The following SOX5 variants were observed in gnomAD, a reference collection of about 807,000 sequenced individuals.
SOX5 encodes the protein transcription factor SOX-5.
Under a neutral mutation model 92.0 loss-of-function variants are expected in SOX5, and 9 were observed. The ratio of observed to expected loss-of-function variants is 0.10; its 90% CI spans 0.06 to 0.17. SOX5 has a LOEUF of 0.17. SOX5 is among the 10% of genes least tolerant of loss of function. The pLI is 1.00. For missense variants in SOX5, 642 were observed against 944.5 expected, an observed-to-expected ratio of 0.68 and a Z score of 4.20; for synonymous variants, 344 against 336.3, an observed-to-expected ratio of 1.02 and a Z score of -0.25.
At chr12:24,229,756 G>T (rs1441590160) in intron 3 of SOX5, among the ~76,000 whole-genome samples, 1 of 152,150 alleles carries the variant, frequency 6.6e-6, no homozygotes, top group East Asian at 1.9e-4. Flanking sequence ...AAGTTGCTAT[G>T]GATGGTTGTG....
intron 7 of SOX5, among the ~76,000 whole-genome samples, chr12:23,662,150 C>T (rs2083146178): frequency 1.3e-5 from 2 of 152,034 alleles, no homozygotes; most frequent in Admixed American, 1.3e-4. Flanking sequence ...TATACACACA[C>T]ACATATACAT....
At chr12:24,518,802 C>T (rs1295456791) in intron 1 of SOX5, among the ~76,000 whole-genome samples, 2 of 152,154 alleles carry the variant, frequency 1.3e-5, no homozygotes, top group African/African-American at 4.8e-5. Flanking sequence ...CTCTGTTCAA[C>T]CATATGCTTC....
At chr12:24,233,126 C>T (rs1480875360) in intron 3 of SOX5, among the ~76,000 whole-genome samples, 1 of 151,970 alleles carries the variant, frequency 6.6e-6, no homozygotes, top group Admixed American at 6.6e-5. Flanking sequence ...TGCCTAACTT[C>T]ATGATGAAAG....
At chr12:23,711,609 T>C (rs1480119602) in intron 6 of SOX5, among the ~76,000 whole-genome samples, 1 of 152,182 alleles carries the variant, frequency 6.6e-6, no homozygotes, top group Non-Finnish European at 1.5e-5. Context: ...GATATGCTGA[T>C]AAACTTGATA....
intron 3 of SOX5, among the ~76,000 whole-genome samples, chr12:24,222,957 C>G (rs760838134): frequency 1.9e-4 from 29 of 152,180 alleles, no homozygotes; most frequent in Non-Finnish European, 7.3e-5. Context: ...GTGGGTGATA[C>G]AACTGTCCGG....
chr12:24,117,889 G>A (rs1254047024), intron 4 of SOX5, among the ~76,000 whole-genome samples: 1 of 151,552 alleles, frequency 6.6e-6, no homozygotes, highest in South Asian at 2.1e-4. Context: ...GCGTGATGGC[G>A]GGCACCTGTA....
chr12:23,914,710 T>C (rs2097394247), intron 1 of SOX5, among the ~76,000 whole-genome samples: 1 of 152,194 alleles, frequency 6.6e-6, no homozygotes, highest in South Asian at 2.1e-4. Context: ...AATTCTGTAC[T>C]AGTAGTTCAC....
chr12:23,591,074 C>A (rs942930707), intron 9 of SOX5, among the ~76,000 whole-genome samples: 1 of 149,632 alleles, frequency 6.7e-6, no homozygotes, highest in African/African-American at 2.4e-5. Context: ...TTATTAAATT[C>A]TCAATGTCTT....
chr12:24,053,051 G>T (rs1265925745), intron 4 of SOX5, among the ~76,000 whole-genome samples: 1 of 152,054 alleles, frequency 6.6e-6, no homozygotes, highest in Admixed American at 6.6e-5. Context: ...ACTTAGAGAT[G>T]ACTTTTCCAC....
intron 1 of SOX5, among the ~76,000 whole-genome samples, chr12:24,406,420 C>G (rs1596344908): frequency 6.6e-6 from 1 of 152,108 alleles, no homozygotes; most frequent in East Asian, 1.9e-4. Flanking sequence ...AACACAAAGC[C>G]AGCTTAATAT....
At chr12:23,758,260 G>T (rs563078011) in intron 3 of SOX5, among the ~76,000 whole-genome samples, 1 of 151,958 alleles carries the variant, frequency 6.6e-6, no homozygotes, top group East Asian at 1.9e-4. Context: ...ATAACCAAAT[G>T]AAGACTTAGA....
intron 3 of SOX5, among the ~76,000 whole-genome samples, chr12:23,821,574 G>A (rs540095842): frequency 1.1e-3 from 165 of 151,106 alleles, no homozygotes; most frequent in Non-Finnish European, 1.9e-3. Context: ...TAAATAGCTA[G>A]TTTATTGAGT....
At chr12:24,368,553 T>C (rs976500511) in intron 2 of SOX5, 2 of 152,180 alleles carry the variant, frequency 1.3e-5, no homozygotes, top group South Asian at 2.1e-4. Flanking sequence ...AGAATAAACA[T>C]TGTACATACC....
rs558016409 is a variant in SOX5, at chr12:23,979,769, G to A, written c.-1-83745C>T. The stretch of plus-strand genomic sequence containing the variant: ...GCCTTACTGTGTCACTCAGACTGGA[G>A]TGCAGTAGTGTGATCATAGCAAACT... On this transcript the variant is annotated intron_variant, in intron 4 of 4. Coordinates refer to the SOX5 transcript ENST00000446891. Among the ~76,000 whole-genome samples the A allele has an allele frequency of 4.9e-3, 576 of 117,826 alleles. 3 individuals are homozygous for A. The highest frequency in any genetic ancestry group is 6.8e-3 in the Non-Finnish European group (419 of 61,754). 77.3% of individuals were successfully genotyped at this position (117,826 alleles called of 152,430 possible). A position where few individuals can be genotyped will look rare whatever the true frequency, so the allele number is the denominator to read the frequency against.
In SOX5 at chr12:23,617,986, G is replaced by A. The variant is rs563467407; in HGVS notation, c.1018-13453C>T. On this transcript the variant is annotated intron_variant, in intron 8 of 14. Transcript: ENST00000451604. Reference sequence around the variant, plus strand: ...TCCAACATCTGCCTCCCCATATGATGTATGACCTATTCGATTGACCCTTTT... The same window carrying A: ...TCCAACATCTGCCTCCCCATATGATATATGACCTATTCGATTGACCCTTTT... 3.9e-5 allele frequency among the ~76,000 whole-genome samples: 6 copies of A among 152,156 alleles called. No homozygotes were observed. The South Asian group carries it at 1.0e-3, about 26-fold the overall frequency.
rs139214850 is a variant in SOX5, at chr12:23,972,900, C to A, written c.-1-76876G>T. ...GTGACCACCATGCAGTGCAATAGAT[C>A]ACTAAAACTATTCCTCTAGTCTAAC... is the stretch of plus-strand genomic sequence containing the variant. On this transcript the variant is annotated intron_variant, in intron 4 of 4. Transcript: ENST00000446891. 3.3e-5 allele frequency among the ~76,000 whole-genome samples: 5 copies of A among 152,102 alleles called. No homozygotes were observed. The South Asian group carries it at 1.0e-3, about 32-fold the overall frequency.
At chr12:24,040,545 A>T (rs1310118298) in intron 4 of SOX5, among the ~76,000 whole-genome samples, 1 of 152,232 alleles carries the variant, frequency 6.6e-6, no homozygotes, top group Non-Finnish European at 1.5e-5. Flanking sequence ...AATATGAAAT[A>T]TTTACTTAAG....
intron 9 of SOX5, 147 bp downstream of exon 9, chr12:23,604,240 A>C: frequency 2.9e-6 from 2 of 686,672 alleles, no homozygotes; most frequent in Non-Finnish European, 5.1e-6. Flanking sequence ...ATAAGTTGAC[A>C]TGCACACCTG....
At chr12:23,746,394 C>G (rs1482693990) in intron 4 of SOX5, among the ~76,000 whole-genome samples, 2 of 152,046 alleles carry the variant, frequency 1.3e-5, no homozygotes, top group African/African-American at 2.4e-5. Flanking sequence ...AGTGTATAAC[C>G]CTATGGAGAC....
Sources: gnomAD v4.1 joint callset for allele counts (sites outside exome capture counted in the v4.1 genomes callset) on GRCh38, gnomAD v4.1.1 for gene constraint, MANE v1.5 for transcripts, NCBI Gene and HGNC (gene_info 2026-07-23, HGNC 2026-07-21) for gene names.